TCF12: variants seen among roughly 807,000 people sequenced by gnomAD.
TCF12 encodes the protein DNA-binding protein HTF4.
In TCF12, 45 loss-of-function variants were observed where a neutral mutation model predicts 86.0. That is an observed-to-expected ratio of 0.52 (90% CI 0.41 to 0.67). The LOEUF (loss-of-function observed/expected upper bound fraction) is 0.67, where lower values mean the gene tolerates loss of function less well. Among genes scored for constraint, TCF12 ranks in the 30% least tolerant of loss-of-function variants. The pLI is 0.00. For missense variants in TCF12, 881 were observed against 859.9 expected (o/e 1.02, Z -0.31); for synonymous variants, 330 against 299.6 (o/e 1.10, Z -1.05).
chr15:56,933,707 ATAT>A (rs1402566003), intron 3 of TCF12, among the ~76,000 whole-genome samples: 5 of 152,096 alleles, frequency 3.3e-5, no homozygotes, highest in African/African-American at 1.2e-4. Context: ...GTCTGTACAG[ATAT>A]TAGTTATTAG....
chr15:56,929,528 C>T lies in TCF12; in HGVS notation c.148+8430C>T, dbSNP rs555988495. Among the ~76,000 whole-genome samples, 27 of 151,770 alleles carry T rather than the reference C, an allele frequency of 1.8e-4. 1 individual carries two copies. The South Asian group carries it at 5.4e-3, about 30-fold the overall frequency. On this transcript the variant is annotated intron_variant, in intron 3 of 20. Coordinates refer to ENST00000333725, the MANE Select transcript of TCF12 (RefSeq NM_207037.2). ...GTTTAAAATGTGCTCTCATGTGTTC[C>T]AGGTTAAAAATGTGCTCTCATAAAG...
intron 3 of TCF12, among the ~76,000 whole-genome samples, chr15:56,939,172 A>G (rs1170436329): frequency 1.3e-5 from 2 of 152,188 alleles, no homozygotes; most frequent in African/African-American, 4.8e-5. Context: ...ATAATTTTGT[A>G]AAAATGTATT....
intron 3 of TCF12, among the ~76,000 whole-genome samples, chr15:57,039,863 C>G (rs1217931803): frequency 1.3e-5 from 2 of 152,178 alleles, no homozygotes; most frequent in Non-Finnish European, 2.9e-5. Flanking sequence ...TTAGGTGCCA[C>G]AGCTCTTTGA....
intron 3 of TCF12, among the ~76,000 whole-genome samples, chr15:57,057,090 A>C (rs1343995277): frequency 1.3e-5 from 2 of 152,186 alleles, no homozygotes; most frequent in Non-Finnish European, 2.9e-5. Flanking sequence ...CATAGCAAAA[A>C]TTATCTCTTG....
intron 6 of TCF12, among the ~76,000 whole-genome samples, chr15:57,170,759 TTATATA>T (rs1222334982): frequency 3.1e-5 from 1 of 32,656 alleles, no homozygotes; most frequent in Non-Finnish European, 5.4e-5. Flanking sequence ...ATATTATATA[TTATATA>T]TATATTATAT....
intron 3 of TCF12, among the ~76,000 whole-genome samples, chr15:56,985,704 T>C (rs1356200038): frequency 2.0e-5 from 3 of 152,164 alleles, no homozygotes; most frequent in African/African-American, 7.2e-5. Context: ...CCATAGTACC[T>C]ACCTAATGAA....
At chr15:57,050,792 A>G (rs558954528) in intron 3 of TCF12, among the ~76,000 whole-genome samples, 4 of 152,220 alleles carry the variant, frequency 2.6e-5, no homozygotes, top group Admixed American at 6.5e-5. Context: ...GCTCCAGTCC[A>G]TTGTTAAGCT....
At chr15:56,986,057 C>G (rs930795308) in intron 3 of TCF12, among the ~76,000 whole-genome samples, 1 of 152,058 alleles carries the variant, frequency 6.6e-6, no homozygotes. Context: ...CAATTTGAAA[C>G]TTGAAATAAG....
At chr15:56,969,775 T>C (rs1461150058) in intron 3 of TCF12, among the ~76,000 whole-genome samples, 1 of 152,018 alleles carries the variant, frequency 6.6e-6, no homozygotes, top group African/African-American at 2.4e-5. Context: ...AGTTATCAAT[T>C]TGGGAGTCAT....
chr15:56,999,826 A>G (rs1418357005), intron 3 of TCF12, among the ~76,000 whole-genome samples: 2 of 152,118 alleles, frequency 1.3e-5, no homozygotes, highest in Non-Finnish European at 2.9e-5. Flanking sequence ...CTGAGACAAG[A>G]TGGAGCCACT....
At chr15:57,074,360 TA>T (rs35606687) in intron 4 of TCF12, among the ~76,000 whole-genome samples, 53,628 of 110,474 alleles carry the variant, frequency 0.49, 10,455 homozygotes, top group East Asian at 0.62. Context: ...CCATTTTGAT[TA>T]AAAAAAAAAA....
chr15:56,998,561 T>G (rs1367672402), intron 3 of TCF12, among the ~76,000 whole-genome samples: 1 of 152,120 alleles, frequency 6.6e-6, no homozygotes, highest in Non-Finnish European at 1.5e-5. Context: ...ATACATTCTT[T>G]CCAAGTACAG....
At chr15:57,272,417 G>C (rs2061184894) in intron 18 of TCF12, among the ~76,000 whole-genome samples, 1 of 152,064 alleles carries the variant, frequency 6.6e-6, no homozygotes, top group Non-Finnish European at 1.5e-5. Flanking sequence ...TTTATCTCTA[G>C]AACAAAAAAA....
chr15:57,015,108 G>A (rs2065076264), intron 3 of TCF12, among the ~76,000 whole-genome samples: 1 of 151,826 alleles, frequency 6.6e-6, no homozygotes. Flanking sequence ...GGCCAACATG[G>A]CGAAACCCTG....
At chr15:56,929,248 T>G (rs2060143284) in intron 3 of TCF12, among the ~76,000 whole-genome samples, 1 of 152,142 alleles carries the variant, frequency 6.6e-6, no homozygotes, top group Non-Finnish European at 1.5e-5. Flanking sequence ...TTTAGCTGTA[T>G]TTTTTCATGC....
At chr15:57,113,745 G>C (rs1334052479) in intron 5 of TCF12, among the ~76,000 whole-genome samples, 1 of 143,478 alleles carries the variant, frequency 7.0e-6, no homozygotes, top group Non-Finnish European at 1.5e-5. Flanking sequence ...TTCAAGACCA[G>C]CTTGGACAAA....
intron 4 of TCF12, among the ~76,000 whole-genome samples, chr15:57,084,270 A>G (rs550655127): frequency 6.6e-6 from 1 of 152,332 alleles, no homozygotes; most frequent in Admixed American, 6.5e-5. Flanking sequence ...GGGGGACAGT[A>G]ACATTTTAAC....
chr15:57,159,777 T>G (rs946864169), intron 5 of TCF12, among the ~76,000 whole-genome samples: 7 of 152,366 alleles, frequency 4.6e-5, no homozygotes, highest in African/African-American at 1.7e-4. Context: ...AATTTATGAA[T>G]GCAAATCAGA....
chr15:57,213,494 CA>C (rs2058202727), intron 8 of TCF12, among the ~76,000 whole-genome samples: 1 of 152,100 alleles, frequency 6.6e-6, no homozygotes, highest in African/African-American at 2.4e-5. Context: ...GATTGGGGAC[CA>C]AAAAATAACT....
Sources: gnomAD v4.1 joint callset for allele counts (sites outside exome capture counted in the v4.1 genomes callset) on GRCh38, gnomAD v4.1.1 for gene constraint, MANE v1.5 for transcripts, NCBI Gene and HGNC (gene_info 2026-07-23, HGNC 2026-07-21) for gene names.